The following BIVM variants were observed in gnomAD, a reference collection of about 807,000 sequenced individuals.
BIVM encodes the protein basic immunoglobulin-like variable motif-containing protein.
A neutral mutation model predicts 61.4 loss-of-function variants in BIVM; 31 were observed. The observed-to-expected ratio is 0.51, with a 90% CI of 0.38 to 0.68. The LOEUF is 0.68. BIVM is among the 30% of genes least tolerant of loss of function. The pLI, the probability that BIVM is intolerant of heterozygous loss-of-function variation, is 0.00. For missense variants in BIVM, 526 were observed against 596.0 expected (o/e 0.88, Z 1.22); for synonymous variants, 189 against 210.7 (o/e 0.90, Z 0.89).
chr13:102,804,738 G>C (rs1472942968), intron 1 of BIVM, among the ~76,000 whole-genome samples: 1 of 152,194 alleles, frequency 6.6e-6, no homozygotes, highest in African/African-American at 2.4e-5. Context: ...GGGATTACAG[G>C]CATGAGCCAC....
chr13:102,805,157 A>G (rs1026908330), intron 1 of BIVM, 150 bp from the exon 2 acceptor site: 5 of 152,106 alleles, frequency 3.3e-5, no homozygotes, highest in African/African-American at 1.2e-4. Context: ...GCCCTGAGAA[A>G]CCCGCATACC....
intron 3 of BIVM, among the ~76,000 whole-genome samples, chr13:102,812,523 T>C (rs1879568896): frequency 6.6e-6 from 1 of 152,186 alleles, no homozygotes; most frequent in Admixed American, 6.5e-5. Context: ...TTTGTTGATT[T>C]TAGTTTTTGT....
chr13:102,829,010 C>CT (rs35119292), intron 7 of BIVM, among the ~76,000 whole-genome samples: 5,462 of 142,916 alleles, frequency 0.038, 314 homozygotes, highest in African/African-American at 0.13. Context: ...GCCTGGGCAT[C>CT]TTTTTTTTTT....
chr13:102,837,122 A>G (rs1881532003), intron 9 of BIVM, among the ~76,000 whole-genome samples: 1 of 152,028 alleles, frequency 6.6e-6, no homozygotes, highest in African/African-American at 2.4e-5. Context: ...TACTAAAACG[A>G]CAAAAATTAG....
intron 10 of BIVM, 129 bp from the exon 11 acceptor site, chr13:102,839,443 T>A: frequency 8.0e-7 from 1 of 1,255,244 alleles, no homozygotes; most frequent in Non-Finnish European, 1.1e-6. Context: ...GCTCTGATGA[T>A]GCCTGGAAGG....
At chr13:102,837,876 T>C (rs1157520763) in intron 9 of BIVM, among the ~76,000 whole-genome samples, 2 of 152,186 alleles carry the variant, frequency 1.3e-5, no homozygotes, top group Non-Finnish European at 2.9e-5. Context: ...AAGAATGATA[T>C]AATGGACTTT....
At chr13:102,822,208 C>A in intron 7 of BIVM, 49 bp downstream of exon 7, 1 of 1,508,418 alleles carries the variant, frequency 6.6e-7, no homozygotes, top group Non-Finnish European at 9.1e-7. Flanking sequence ...CACATGCACA[C>A]ACACACATAC....
chr13:102,833,487 T>C (rs61966042), intron 8 of BIVM, among the ~76,000 whole-genome samples: 43,634 of 151,644 alleles, frequency 0.29, 6,540 homozygotes, highest in Admixed American at 0.37. Flanking sequence ...ACCACCATAC[T>C]TGGCTAATTT....
intron 4 of BIVM, among the ~76,000 whole-genome samples, chr13:102,819,128 T>C (rs901500504): frequency 6.6e-5 from 10 of 152,172 alleles, no homozygotes; most frequent in African/African-American, 2.2e-4. Flanking sequence ...CAAAGGTCTC[T>C]TAGGTTGGAG....
chr13:102,808,163 A>T (rs1418354502), intron 3 of BIVM, among the ~76,000 whole-genome samples: 1 of 152,026 alleles, frequency 6.6e-6, no homozygotes. Flanking sequence ...TGTTGTTAAA[A>T]TTTTTTAGGC....
rs368469753 is a variant in BIVM, at chr13:102,816,400, T to A, written c.479-28T>A. The A allele has an allele frequency of 1.2e-5, 18 of 1,519,430 alleles. No homozygotes were observed. The African/African-American group carries it at 2.3e-4, about 20-fold the overall frequency. 94.1% of individuals were successfully genotyped at this position (1,519,430 alleles called of 1,614,324 possible). A position where few individuals can be genotyped will look rare whatever the true frequency, so the allele number is the denominator to read the frequency against. On this transcript the variant is annotated intron_variant, in intron 3 of 10. Coordinates refer to ENST00000257336, the MANE Select transcript of BIVM (RefSeq NM_017693.4). ...TTCAGTTTACTTCATCTTAAGCATT[T>A]TGCTTATTTTATACTCTTGTATTCT...
At chr13:102,803,174 AAAG>A (rs1878853960) in intron 1 of BIVM, among the ~76,000 whole-genome samples, 1 of 151,826 alleles carries the variant, frequency 6.6e-6, no homozygotes, top group Admixed American at 6.6e-5. Flanking sequence ...AAAAAAAAAA[AAAG>A]GTTATTCTAT....
At chr13:102,824,948 TAA>T (rs1880561855) in intron 7 of BIVM, among the ~76,000 whole-genome samples, 2 of 90,214 alleles carry the variant, frequency 2.2e-5, no homozygotes, top group Admixed American at 2.5e-4. Flanking sequence ...ATTAATTAAT[TAA>T]TTTTTTTTTT....
chr13:102,832,724 C>G (rs895915690), intron 8 of BIVM, among the ~76,000 whole-genome samples: 2 of 152,116 alleles, frequency 1.3e-5, no homozygotes, highest in Non-Finnish European at 2.9e-5. Flanking sequence ...AAGCTCTGAG[C>G]CAATTTTTAT....
chr13:102,822,250 T>G, intron 7 of BIVM, 91 bp downstream of exon 7: 2 of 1,263,970 alleles, frequency 1.6e-6, no homozygotes, highest in South Asian at 1.4e-5. Context: ...TCTCAAAGAC[T>G]GCCTGTTTAG....
chr13:102,819,749 C>T (rs1245039530), intron 4 of BIVM, among the ~76,000 whole-genome samples: 2 of 151,860 alleles, frequency 1.3e-5, no homozygotes, highest in South Asian at 4.2e-4. Flanking sequence ...TGCATGTATA[C>T]CCTGGAACTT....
chr13:102,833,326 G>GTTTTT (rs1566455831), intron 8 of BIVM, among the ~76,000 whole-genome samples: 2 of 26,886 alleles, frequency 7.4e-5, no homozygotes, highest in African/African-American at 1.1e-4. Flanking sequence ...GGATAGGATG[G>GTTTTT]GTTTTTTTTT....
At chr13:102,816,709 A>C in intron 4 of BIVM, 155 bp downstream of exon 4, 1 of 748,436 alleles carries the variant, frequency 1.3e-6, no homozygotes, top group Non-Finnish European at 1.8e-6. Flanking sequence ...AGTCACCACA[A>C]ATGTTTGAAG....
chr13:102,802,745 C>CTTTTTTTTTTTTT (rs35905954), intron 1 of BIVM, among the ~76,000 whole-genome samples: 1 of 132,152 alleles, frequency 7.6e-6, no homozygotes, highest in Non-Finnish European at 1.6e-5. Flanking sequence ...TCTCTCTTTC[C>CTTTTTTTTTTTTT]TTTTTTTTTT....
Sources: gnomAD v4.1 joint callset for allele counts (sites outside exome capture counted in the v4.1 genomes callset) on GRCh38, gnomAD v4.1.1 for gene constraint, MANE v1.5 for transcripts, NCBI Gene and HGNC (gene_info 2026-07-23, HGNC 2026-07-21) for gene names.